The following BACH1 variants were observed in gnomAD, a reference collection of about 807,000 sequenced individuals.
BACH1 encodes the protein BTB domain and CNC homolog 1.
A neutral mutation model predicts 52.9 loss-of-function variants in BACH1; 35 were observed. The ratio of observed to expected loss-of-function variants is 0.66; its 90% CI spans 0.51 to 0.88. The LOEUF (loss-of-function observed/expected upper bound fraction) is 0.88. BACH1 is among the 40% of genes least tolerant of loss of function. The pLI is 0.00. For missense variants in BACH1, 808 were observed against 872.6 expected (o/e 0.93, Z 0.93); for synonymous variants, 321 against 319.6 (o/e 1.00, Z -0.05).
rs1261128045 is a variant in BACH1 at position 29,336,649 on chromosome 21, CCTTT to C, written c.1777-5743_1777-5740del. ...TTCCTGATTAAAAAGGATTGTTCTTCCTTTCTTTCTCTTTTATTTTTTTATTTTT... is the reference window on the plus strand; with the variant it reads ...TTCCTGATTAAAAAGGATTGTTCTTCCTTTCTCTTTTATTTTTTTATTTTT... On this transcript the variant is annotated intron_variant, in intron 4 of 4. Transcript: ENST00000286800. Among the ~76,000 whole-genome samples, 8 of 151,834 alleles carry C rather than the reference CCTTT, an allele frequency of 5.3e-5. No homozygotes were observed. The East Asian group carries it at 1.2e-3, about 22-fold the overall frequency.
chr21:29,321,260 C>G lies in BACH1; in HGVS notation c.-21C>G, dbSNP rs116727521. The G allele has an allele frequency of 6.3e-7, 1 of 1,589,842 alleles. No homozygotes were observed. Among genetic ancestry groups the G allele is most frequent in the Non-Finnish European group, 8.6e-7 (1 of 1,158,476 alleles). ...GAAGCATGCTTTCCACTGAACTTCC[C>G]GACAACATTTGTTATGCAGAATGTC... On this transcript the variant is annotated 5_prime_UTR_variant, in exon 2 of 5. Transcript: ENST00000286800.
chr21:29,304,626 T>C (rs1234356245), intron 1 of BACH1, among the ~76,000 whole-genome samples: 2 of 152,158 alleles, frequency 1.3e-5, no homozygotes. Context: ...GAGTAAATAG[T>C]ATAGTAAGGG....
At chr21:29,304,153 T>A (rs1431279113) in intron 1 of BACH1, among the ~76,000 whole-genome samples, 1 of 148,528 alleles carries the variant, frequency 6.7e-6, no homozygotes, top group East Asian at 2.0e-4. Context: ...TGAGATGGAG[T>A]ATCACTCTGT....
downstream of BACH1, among the ~76,000 whole-genome samples, chr21:29,346,804 A>G (rs1443500199): frequency 1.3e-5 from 2 of 152,226 alleles, no homozygotes; most frequent in African/African-American, 4.8e-5. Flanking sequence ...CAAAGGAGAC[A>G]GGGTGAGAAA....
chr21:29,360,332 G>A (rs1188354210), intron 2 of BACH1, among the ~76,000 whole-genome samples: 3 of 152,232 alleles, frequency 2.0e-5, no homozygotes, highest in South Asian at 2.1e-4. Flanking sequence ...CTCACAAAAC[G>A]TAGCTGTCCA....
intron 2 of BACH1, among the ~76,000 whole-genome samples, chr21:29,358,783 AAAG>A (rs1194548005): frequency 2.1e-5 from 2 of 94,532 alleles, no homozygotes; most frequent in Admixed American, 1.2e-4. Flanking sequence ...AGAAAGAAAG[AAAG>A]AAAGAAAGAA....
At chr21:29,339,795 A>G (rs1174182614) in intron 4 of BACH1, among the ~76,000 whole-genome samples, 1 of 151,940 alleles carries the variant, frequency 6.6e-6, no homozygotes, top group Non-Finnish European at 1.5e-5. Flanking sequence ...CACCATGCCC[A>G]GCTAATTTTT....
At chr21:29,321,604 G>T in intron 2 of BACH1, 90 bp downstream of exon 2, 1 of 1,166,314 alleles carries the variant, frequency 8.6e-7, no homozygotes, top group Non-Finnish European at 1.2e-6. Context: ...CAGTCTCCTT[G>T]TCAGGTGGCT....
chr21:29,325,447 A>G (rs991253505), intron 2 of BACH1, among the ~76,000 whole-genome samples: 5 of 152,238 alleles, frequency 3.3e-5, no homozygotes, highest in African/African-American at 1.2e-4. Flanking sequence ...TTGCTGAAAC[A>G]GTACCGAGGC....
intron 4 of BACH1, among the ~76,000 whole-genome samples, chr21:29,334,639 A>G (rs886538006): frequency 1.3e-5 from 2 of 152,218 alleles, no homozygotes; most frequent in Non-Finnish European, 2.9e-5. Context: ...TTTCTTTTAG[A>G]AAGTATCAAA....
chr21:29,327,982 G>A (rs992239887), intron 3 of BACH1, among the ~76,000 whole-genome samples: 8 of 152,136 alleles, frequency 5.3e-5, no homozygotes, highest in African/African-American at 1.4e-4. Context: ...CAAATGCCAT[G>A]CTGCAAGACA....
At chr21:29,330,204 G>A (rs1039723180) in intron 4 of BACH1, among the ~76,000 whole-genome samples, 9 of 152,112 alleles carry the variant, frequency 5.9e-5, no homozygotes, top group Non-Finnish European at 8.8e-5. Context: ...TTGCTTTGTC[G>A]CCCAGGCTGG....
intron 2 of BACH1, among the ~76,000 whole-genome samples, chr21:29,357,325 C>T (rs2089240711): frequency 6.6e-6 from 1 of 152,172 alleles, no homozygotes; most frequent in African/African-American, 2.4e-5. Context: ...TGAGGATTAG[C>T]TACGGGGACT....
chr21:29,314,349 T>G (rs1358353965), intron 1 of BACH1, among the ~76,000 whole-genome samples: 1 of 152,228 alleles, frequency 6.6e-6, no homozygotes, highest in Non-Finnish European at 1.5e-5. Context: ...ACACCATTTA[T>G]TTTTGAGCTT....
Position 29,330,246 on chromosome 21 carries a change from G to T in BACH1, c.1776+553G>T, listed in dbSNP as rs575045572. ...GTGGTGCGATCTCGGCTCACTGCAA[G>T]CTCTGCCTGCTGGGTTCATGCCATT... On this transcript the variant is annotated intron_variant, in intron 4 of 4. Coordinates refer to ENST00000286800, the MANE Select transcript of BACH1 (RefSeq NM_001186.4). Among the ~76,000 whole-genome samples, 7 of 152,228 alleles carry T rather than the reference G, an allele frequency of 4.6e-5. 1 individual carries two copies. Among genetic ancestry groups the T allele is most frequent in the South Asian group, 2.1e-4 (1 of 4,820 alleles).
intron 2 of BACH1, chr21:29,361,010 A>T (rs2089268598): frequency 6.6e-6 from 1 of 152,184 alleles, no homozygotes; most frequent in African/African-American, 2.4e-5. Context: ...CTAGTGTTTA[A>T]TGTCTGTCTC....
chr21:29,326,325 T>G lies in BACH1; in HGVS notation c.501T>G (p.Thr167=). The G allele has an allele frequency of 6.2e-7, 1 of 1,614,154 alleles. No individual in the cohort carries two copies. Among genetic ancestry groups the G allele is most frequent in the Non-Finnish European group, 8.5e-7 (1 of 1,180,026 alleles). The change falls in exon 3 of 5, where the codon ACT becomes ACG. Residue 167 remains threonine, a synonymous_variant. Transcript: ENST00000286800. Reference sequence around the variant, plus strand: ...TTTTGGACCAGAGGGATCTAGAAACTGATGAAGTGGAGGAATTTCTGGAAA... The same window carrying G: ...TTTTGGACCAGAGGGATCTAGAAACGGATGAAGTGGAGGAATTTCTGGAAA... The part of the protein sequence containing the change: ...LSLLDQRDLE[T]DEVEEFLENK...
Position 29,339,742 on chromosome 21 carries a change from C to G in BACH1, c.1777-2657C>G, listed in dbSNP as rs1416791791. Among the ~76,000 whole-genome samples the G allele has an allele frequency of 2.0e-5, 3 of 151,966 alleles. No individual in the cohort carries two copies. In the East Asian group the frequency reaches 5.8e-4, roughly 29 times the overall value. ...CCGTCTCCCAGGCTCAAGTGATTCC[C>G]CTGCCTCAGCCTGCCCTTTTAGCTA... On this transcript the variant is annotated intron_variant, in intron 4 of 4. Transcript: ENST00000286800.
intron 2 of BACH1, chr21:29,359,179 A>G (rs1601379883): frequency 6.6e-6 from 1 of 152,092 alleles, no homozygotes; most frequent in Non-Finnish European, 1.5e-5. Context: ...AAAAAAGCAA[A>G]GCACTATATT....
Sources: allele counts gnomAD v4.1 joint callset (sites outside exome capture counted in the v4.1 genomes callset), GRCh38; gene constraint gnomAD v4.1.1; transcripts MANE v1.5; gene names NCBI Gene and HGNC (gene_info 2026-07-23, HGNC 2026-07-21).